The following NUTM1 variants were observed in gnomAD, a reference collection of about 807,000 sequenced individuals.
The protein encoded by NUTM1 is NUT family member 1.
In NUTM1, 39 loss-of-function variants were observed where a neutral mutation model predicts 88.7. The ratio of observed to expected loss-of-function variants is 0.44; its 90% confidence interval spans 0.34 to 0.57. The LOEUF is 0.57. NUTM1 is among the 20% of genes least tolerant of loss of function. The probability of loss-of-function intolerance (pLI) is 0.01; values close to 1 mark genes in which losing one functional copy is unlikely to be tolerated. For synonymous variants in NUTM1, 494 were observed against 538.0 expected, an observed-to-expected ratio of 0.92 and a Z score of 1.13; for missense variants, 1,350 against 1,414.5, an observed-to-expected ratio of 0.95 and a Z score of 0.73.
chr15:34,346,760 G>A (rs1595607957), intron 2 of NUTM1, among the ~76,000 whole-genome samples: 1 of 147,764 alleles, frequency 6.8e-6, no homozygotes, highest in East Asian at 2.0e-4. Context: ...GTTCGTGCCT[G>A]TAATCCCAGC....
chr15:34,356,130 C>T lies in NUTM1; in HGVS notation c.2122C>T (p.Pro708Ser). The T allele has an allele frequency of 6.2e-7, 1 of 1,613,052 alleles. No homozygotes were observed. Reference protein sequence around the residue: ...LPQGKEPLAVPWEGSSGAMWG... With the variant: ...LPQGKEPLAVSWEGSSGAMWG... ...TCAAGGGAAGGAGCCTTTAGCAGTGCCCTGGGAAGGCTCTTCAGGAGCCAT... is the reference window on the plus strand; with the variant it reads ...TCAAGGGAAGGAGCCTTTAGCAGTGTCCTGGGAAGGCTCTTCAGGAGCCAT... The change falls in exon 8 of 8, where the codon CCC becomes TCC. Residue 708 changes from proline to serine, a missense_variant. This residue lies in a region of NUTM1 where 730 missense variants were observed against 728.8 expected (regional missense o/e 1.00). Transcript: ENST00000537011.
chr15:34,352,099 G>A (rs974526132), intron 4 of NUTM1, among the ~76,000 whole-genome samples: 5 of 152,308 alleles, frequency 3.3e-5, no homozygotes, highest in Admixed American at 2.6e-4. Context: ...GAACCCAGGA[G>A]GCAGAGGTTG....
chr15:34,347,068 C>T (rs1270350529), intron 2 of NUTM1, among the ~76,000 whole-genome samples: 1 of 151,826 alleles, frequency 6.6e-6, no homozygotes, highest in African/African-American at 2.4e-5. Flanking sequence ...GCAAGTTCCC[C>T]ATCCATATCC....
At chr15:34,343,794 G>GT in intron 1 of NUTM1, 92 bp downstream of exon 1, 1 of 1,146,430 alleles carries the variant, frequency 8.7e-7, no homozygotes, top group Non-Finnish European at 1.2e-6. Flanking sequence ...TAAGACTCTC[G>GT]TTTAAAGAAA....
Position 34,348,563 on chromosome 15 carries a change from C to T in NUTM1, c.695C>T (p.Ser232Phe), listed in dbSNP as rs761436492. The T allele has an allele frequency of 1.2e-6, 2 of 1,613,848 alleles. No individual in the cohort carries two copies. The highest frequency in any genetic ancestry group is 8.5e-7 in the Non-Finnish European group (1 of 1,180,028). Residue 232 changes from serine to phenylalanine, a missense_variant, in exon 3 of 8, where the codon TCC (serine) becomes TTC (phenylalanine). Around this residue, in one of 5 missense-constraint regions of NUTM1, gnomAD observed 399 missense variants for 397.9 expected, o/e 1.00. Coordinates refer to ENST00000537011, the MANE Select transcript of NUTM1 (RefSeq NM_001284292.2). ...TCCAAGCCTTCCCTAGGTGACCGCT[C>T]CAAAATTTCCAAGGACGTTTATGAG... ...TLSKPSLGDR[S>F]KISKDVYENF...
In NUTM1 at chr15:34,354,426, C is replaced by T; in HGVS notation, c.1076-20C>T. Reference sequence around the variant, plus strand: ...GGTTTCTGTGCTACTTCCCATTCTCCTGTCCATCTCTTCCCTTAGTGTACA... The same window carrying T: ...GGTTTCTGTGCTACTTCCCATTCTCTTGTCCATCTCTTCCCTTAGTGTACA... On this transcript the variant is annotated intron_variant, in intron 5 of 7. Coordinates refer to ENST00000537011, the MANE Select transcript of NUTM1 (RefSeq NM_001284292.2). 6.2e-7 allele frequency: 1 copy of T among 1,612,364 alleles called. No homozygotes were observed. Among genetic ancestry groups the T allele is most frequent in the Non-Finnish European group, 8.5e-7 (1 of 1,179,290 alleles).
At chr15:34,346,554 C>T (rs1189713998) in intron 2 of NUTM1, among the ~76,000 whole-genome samples, 4 of 5,516 alleles carry the variant, frequency 7.3e-4, no homozygotes, top group Non-Finnish European at 1.6e-3. Flanking sequence ...AGAGAAATGC[C>T]TTCCTGAAAA....
Position 34,350,762 on chromosome 15 carries a change from C to T in NUTM1, c.868C>T (p.Pro290Ser). Residue 290 changes from proline (P) to serine (S), a missense_variant, in exon 4 of 8, where the codon CCA becomes TCA. Physicochemically the swap from Pro to Ser is moderately conservative, Grantham distance 74. Transcript: ENST00000537011. Reference sequence around the variant, plus strand: ...CACTATGACCCTGGAGGAGGGACTGCCATTGGCTGTGCAGGAGTGGGAGCA... The same window carrying T: ...CACTATGACCCTGGAGGAGGGACTGTCATTGGCTGTGCAGGAGTGGGAGCA... ...KPTMTLEEGL[P>S]LAVQEWEHTS... 1 of 1,613,978 alleles carries T rather than the reference C, an allele frequency of 6.2e-7. No individual in the cohort carries two copies. The highest frequency in any genetic ancestry group is 8.5e-7 in the Non-Finnish European group (1 of 1,179,974).
intron 5 of NUTM1, among the ~76,000 whole-genome samples, 187 bp from the exon 6 acceptor site, chr15:34,354,259 C>T (rs1017107240): frequency 6.6e-6 from 1 of 152,266 alleles, no homozygotes. Context: ...CAGGTTGGCC[C>T]AATCCAGCCT....
Position 34,355,418 on chromosome 15 carries a change from C to G in NUTM1, c.1480-70C>G. The G allele has an allele frequency of 3.9e-6, 6 of 1,534,874 alleles. No homozygotes were observed. In the Admixed American group the frequency reaches 6.8e-5, roughly 18 times the overall value. On this transcript the variant is annotated intron_variant, in intron 7 of 7. Coordinates refer to ENST00000537011, the MANE Select transcript of NUTM1 (RefSeq NM_001284292.2). The surrounding 1 kb of genome is among the most constrained non-coding windows in gnomAD (Gnocchi z 4.3). ...CTTCCTTGCCCTGCCCAAATACCGT[C>G]TTGTGCCACCCACTCAGCCACCTCT...
At position 34,357,516 on chromosome 15, in the gene NUTM1, A is replaced by G. The variant is rs1890843422; in HGVS notation, c.*25A>G. On this transcript the variant is annotated 3_prime_UTR_variant, in exon 8 of 8. Coordinates refer to ENST00000537011, the MANE Select transcript of NUTM1 (RefSeq NM_001284292.2). ...GGGAGCAGCGGGACCATCTGACCCC[A>G]CTTGCCAGTCCCTAAAGGTGGGTGC... 4 of 1,612,574 alleles carry G rather than the reference A, an allele frequency of 2.5e-6. No individual in the cohort carries two copies. In the East Asian group the frequency reaches 8.9e-5, roughly 36 times the overall value.
intron 2 of NUTM1, among the ~76,000 whole-genome samples, chr15:34,346,951 G>T (rs992478804): frequency 1.2e-4 from 18 of 144,386 alleles, no homozygotes; most frequent in African/African-American, 4.6e-4. Context: ...TCTCTTCTTG[G>T]CAGATAGGGG....
In NUTM1 at chr15:34,347,871, TAAA is replaced by T. The variant is rs971569596; in HGVS notation, c.101-95_101-93del. ...CCATCTCAAAAAATAAAAATAAAAA[TAAA>T]AATAAAAATAAAAATAAAAAAATGG... On this transcript the variant is annotated intron_variant, in intron 2 of 7. Transcript: ENST00000537011. 5 of 592,444 alleles carry T rather than the reference TAAA, an allele frequency of 8.4e-6. No homozygotes were observed. The Admixed American group carries it at 1.9e-4, about 22-fold the overall frequency. The allele number at this position is 592,444 out of a possible 1,614,324, so 36.7% of individuals were successfully genotyped here. A position where few individuals can be genotyped will look rare whatever the true frequency, so the allele number is the denominator to read the frequency against.
In NUTM1 at chr15:34,353,842, C is replaced by A; in HGVS notation, c.1045C>A (p.Pro349Thr). The change falls in exon 5 of 8, where the codon CCC becomes ACC. Residue 349 changes from proline (P) to threonine (T), a missense_variant. Pro to Thr is a conservative substitution (Grantham distance 38). Transcript: ENST00000537011. Reference sequence around the variant, plus strand: ...CCCTTTGAAACTTGATCCTCTAGGGCCCCTGGCCTCTGAGGTTTGCCAGCA... The same window carrying A: ...CCCTTTGAAACTTGATCCTCTAGGGACCCTGGCCTCTGAGGTTTGCCAGCA... ...ATPLKLDPLG[P>T]LASEVCQQPV... The A allele has an allele frequency of 6.2e-7, 1 of 1,613,872 alleles. No homozygotes were observed. The highest frequency in any genetic ancestry group is 8.5e-7 in the Non-Finnish European group (1 of 1,180,018).
intron 2 of NUTM1, 114 bp downstream of exon 2, chr15:34,346,149 A>G: frequency 9.4e-7 from 1 of 1,064,626 alleles, no homozygotes; most frequent in Non-Finnish European, 1.4e-6. Flanking sequence ...AAGGTATCAC[A>G]CTTGGGGAGG....
chr15:34,346,134 C>A, intron 2 of NUTM1, 99 bp downstream of exon 2: 2 of 1,224,010 alleles, frequency 1.6e-6, no homozygotes, highest in Non-Finnish European at 2.4e-6. Flanking sequence ...TGCTACACCC[C>A]GTCAAAGGTA....
intron 6 of NUTM1, 51 bp downstream of exon 6, chr15:34,354,783 TC>T: frequency 6.4e-7 from 1 of 1,568,080 alleles, no homozygotes; most frequent in South Asian, 1.1e-5. Flanking sequence ...GGGTGGGTAC[TC>T]CCGGGAACTA....
chr15:34,354,533 C>T lies in NUTM1; in HGVS notation c.1163C>T (p.Pro388Leu), dbSNP rs750888608. The change falls in exon 6 of 8, where the codon CCC becomes CTC. Residue 388 changes from proline to leucine, a missense_variant. Pro to Leu is a moderately conservative substitution (Grantham distance 98). Around this residue, in one of 5 missense-constraint regions of NUTM1, gnomAD observed 89 missense variants for 76.0 expected, o/e 1.17. Coordinates refer to ENST00000537011, the MANE Select transcript of NUTM1 (RefSeq NM_001284292.2). ...CAGAGACCTCCTGCTCCTGAGGCAC[C>T]CAAGGAGATCCCACCAGAAGCTGTG... Reference protein sequence around the residue: ...KAQRPPAPEAPKEIPPEAVKE... With the variant: ...KAQRPPAPEALKEIPPEAVKE... The T allele has an allele frequency of 1.2e-6, 2 of 1,614,022 alleles. No individual in the cohort carries two copies. The highest frequency in any genetic ancestry group is 2.7e-5 in the African/African-American group (2 of 74,914).
At chr15:34,354,987 A>C in intron 6 of NUTM1, 34 bp from the exon 7 acceptor site, 1 of 1,507,802 alleles carries the variant, frequency 6.6e-7, no homozygotes, top group South Asian at 1.1e-5. Context: ...TTACCTGCTT[A>C]CAGACTTACA....
Sources: gnomAD v4.1 joint callset for allele counts (sites outside exome capture counted in the v4.1 genomes callset) on GRCh38, gnomAD v4.1.1 for gene constraint, gnomAD v4.1.1 regional missense constraint, Gnocchi (gnomAD v3.1) non-coding constraint, MANE v1.5 for transcripts, NCBI Gene and HGNC (gene_info 2026-07-23, HGNC 2026-07-21) for gene names.